The following AHCY variants were observed in gnomAD, a reference collection of about 807,000 sequenced individuals.
AHCY encodes the protein adenosylhomocysteinase.
A neutral mutation model predicts 45.4 loss-of-function variants in AHCY; 24 were observed. The observed-to-expected ratio is 0.53, with a 90% CI of 0.38 to 0.74. The LOEUF is 0.74. Among genes scored for constraint, AHCY ranks in the 30% least tolerant of loss-of-function variants. AHCY has a pLI of 0.00. For missense variants in AHCY, 449 were observed against 594.1 expected, an observed-to-expected ratio of 0.76 and a Z score of 2.54; for synonymous variants, 245 against 235.1, an observed-to-expected ratio of 1.04 and a Z score of -0.39.
the AHCY span, chr20:34,246,105 A>G: frequency 1.1e-6 from 1 of 896,408 alleles, no homozygotes. Flanking sequence ...TTGAGCAAAA[A>G]TCTTTGTGCT....
the AHCY span, among the ~76,000 whole-genome samples, chr20:34,243,882 A>G: frequency 3.3e-5 from 5 of 151,956 alleles, no homozygotes; most frequent in Non-Finnish European, 7.4e-5. Context: ...GGCTAACACG[A>G]TGAAACCCCG....
chr20:34,233,963 A>G, the AHCY span, among the ~76,000 whole-genome samples: 1 of 152,236 alleles, frequency 6.6e-6, no homozygotes, highest in African/African-American at 2.4e-5. Flanking sequence ...CTCTTTCACC[A>G]TGAGACAAAT....
chr20:34,256,490 G>C, the AHCY span, among the ~76,000 whole-genome samples: 3 of 152,168 alleles, frequency 2.0e-5, no homozygotes, highest in Non-Finnish European at 4.4e-5. Context: ...TTTTTGTAGA[G>C]ATGAGGTCTC....
the AHCY span, among the ~76,000 whole-genome samples, chr20:34,254,198 G>T: frequency 6.6e-6 from 1 of 152,154 alleles, no homozygotes; most frequent in African/African-American, 2.4e-5. Context: ...AAGTAGTTGG[G>T]ATTACAGGCA....
At chr20:34,235,910 G>GAAT in the AHCY span, among the ~76,000 whole-genome samples, 2 of 109,296 alleles carry the variant, frequency 1.8e-5, no homozygotes, top group African/African-American at 1.9e-4. Flanking sequence ...AAGGAAGGAA[G>GAAT]GAAGGAAGGA....
At chr20:34,302,767 G>T in intron 1 of AHCY, 1 of 993,000 alleles carries the variant, frequency 1.0e-6, no homozygotes, top group Non-Finnish European at 1.2e-6. Context: ...AGCCGGCCTG[G>T]GGCTCGCTTT....
the AHCY span, chr20:34,269,101 C>T: frequency 6.4e-7 from 1 of 1,567,382 alleles, no homozygotes; most frequent in Non-Finnish European, 8.6e-7. Flanking sequence ...GCGACCCGTG[C>T]GCCTCCTGCC....
intron 9 of AHCY, 26 bp downstream of exon 9, chr20:34,285,414 G>A (rs1487586274): frequency 1.9e-6 from 3 of 1,612,820 alleles, no homozygotes. Context: ...CGTGACCCTT[G>A]GCTTGAGGTA....
intron 1 of AHCY, among the ~76,000 whole-genome samples, chr20:34,310,189 G>A (rs1229780589): frequency 6.6e-6 from 1 of 151,996 alleles, no homozygotes; most frequent in African/African-American, 2.4e-5. Context: ...AAGTAGCTGG[G>A]ATTACAGGCG....
At chr20:34,255,253 T>G in the AHCY span, among the ~76,000 whole-genome samples, 3 of 152,246 alleles carry the variant, frequency 2.0e-5, no homozygotes, top group African/African-American at 7.2e-5. Context: ...ACTGGACTGT[T>G]GATTCAGCCC....
chr20:34,233,385 G>C, the AHCY span, among the ~76,000 whole-genome samples: 1 of 151,998 alleles, frequency 6.6e-6, no homozygotes, highest in Non-Finnish European at 1.5e-5. Flanking sequence ...CTGACCTCAT[G>C]ATCTGCCCAC....
At chr20:34,291,955 C>T (rs1217963703) in intron 4 of AHCY, among the ~76,000 whole-genome samples, 1 of 152,254 alleles carries the variant, frequency 6.6e-6, no homozygotes, top group African/African-American at 2.4e-5. Flanking sequence ...TAGGCCCTGA[C>T]ACATCTGGTC....
At chr20:34,244,560 G>A in the AHCY span, among the ~76,000 whole-genome samples, 1 of 152,170 alleles carries the variant, frequency 6.6e-6, no homozygotes, top group Non-Finnish European at 1.5e-5. Context: ...ACCACACAAT[G>A]TGCCATCACT....
chr20:34,271,056 C>T, the AHCY span, among the ~76,000 whole-genome samples: 2 of 152,170 alleles, frequency 1.3e-5, no homozygotes, highest in Non-Finnish European at 2.9e-5. Context: ...TCACTGGAGC[C>T]TCCAACTCCC....
At chr20:34,258,690 T>TATATATATATAC in the AHCY span, among the ~76,000 whole-genome samples, 4 of 72,326 alleles carry the variant, frequency 5.5e-5, 1 homozygote, top group African/African-American at 2.2e-4. Context: ...TATATATATA[T>TATATATATATAC]ACATACTATA....
chr20:34,285,345 G>C, intron 9 of AHCY, 95 bp downstream of exon 9: 1 of 1,413,416 alleles, frequency 7.1e-7, no homozygotes, highest in South Asian at 1.2e-5. Flanking sequence ...TAAGAGGGCA[G>C]ACAGGCAAGC....
At chr20:34,257,949 G>T in the AHCY span, among the ~76,000 whole-genome samples, 5 of 152,138 alleles carry the variant, frequency 3.3e-5, no homozygotes, top group Non-Finnish European at 7.3e-5. Context: ...TTTGAGATCA[G>T]CTTGGCCAAC....
At chr20:34,303,400 G>T, upstream of AHCY, 1 of 1,320,216 alleles carries the variant, frequency 7.6e-7, no homozygotes, top group Non-Finnish European at 1.1e-6. Flanking sequence ...CCTCGCACTT[G>T]CATATTCATG....
At chr20:34,267,219 CAATA>C in the AHCY span, among the ~76,000 whole-genome samples, 1 of 151,906 alleles carries the variant, frequency 6.6e-6, no homozygotes, top group Non-Finnish European at 1.5e-5. Flanking sequence ...GCAAGTAAAT[CAATA>C]AATAGGTAAA....
Sources: allele counts gnomAD v4.1 joint callset (sites outside exome capture counted in the v4.1 genomes callset), GRCh38; gene constraint gnomAD v4.1.1; transcripts MANE v1.5; gene names NCBI Gene and HGNC (gene_info 2026-07-23, HGNC 2026-07-21).